The following IL1RAPL1 variants were observed in gnomAD, a reference collection of about 807,000 sequenced individuals.
The protein encoded by IL1RAPL1 is interleukin-1 receptor accessory protein-like 1.
IL1RAPL1 carries 3 observed loss-of-function variants against 48.4 expected under a neutral mutation model. That is an observed-to-expected ratio of 0.06 (90% CI 0.03 to 0.16). The LOEUF (loss-of-function observed/expected upper bound fraction) is 0.16. Ranked by LOEUF, IL1RAPL1 falls within the 10% of genes least tolerant of loss-of-function variation. IL1RAPL1 has a pLI of 1.00. For synonymous variants in IL1RAPL1, 185 were observed against 187.7 expected (o/e 0.99, Z 0.12); for missense variants, 349 against 530.6 (o/e 0.66, Z 3.36).
At chrX:28,610,764 T>A (rs768774796) in intron 1 of IL1RAPL1, among the ~76,000 whole-genome samples, 2 of 110,762 alleles carry the variant, frequency 1.8e-5, no homozygotes, top group Non-Finnish European at 3.8e-5. Context: ...GAATTGCACA[T>A]GGATCATTAA....
At chrX:29,507,556 A>G (rs1935349836) in intron 5 of IL1RAPL1, among the ~76,000 whole-genome samples, 1 of 98,252 alleles carries the variant, frequency 1.0e-5, no homozygotes, top group African/African-American at 3.8e-5. Context: ...AATCGTCTCT[A>G]CAATTAAAAA....
At chrX:29,238,983 GAATT>G (rs1845521823) in intron 2 of IL1RAPL1, among the ~76,000 whole-genome samples, 1 of 112,057 alleles carries the variant, frequency 8.9e-6, no homozygotes, top group Admixed American at 9.5e-5. Context: ...AATCTCTACT[GAATT>G]AGTTTTGCAA....
intron 2 of IL1RAPL1, among the ~76,000 whole-genome samples, chrX:28,945,903 A>ATATGTG (rs1282562909): frequency 8.6e-4 from 84 of 97,650 alleles, no homozygotes; most frequent in South Asian, 1.6e-3. Flanking sequence ...ATATATATAT[A>ATATGTG]TGTGTGTGTG....
In IL1RAPL1 at chrX:28,815,071, TATATA is replaced by T. The variant is rs777082461; in HGVS notation, c.82+25653_82+25657del. Among the ~76,000 whole-genome samples the T allele has an allele frequency of 3.3e-4, 37 of 110,503 alleles. No homozygotes were observed. The East Asian group carries it at 6.6e-3, about 20-fold the overall frequency. On this transcript the variant is annotated intron_variant, in intron 2 of 10. Coordinates refer to ENST00000378993, the MANE Select transcript of IL1RAPL1 (RefSeq NM_014271.4). ...TGTTACTATTATTAAAATTAGCAGT[TATATA>T]ATATAAGAATAATAAAAACAAAATA...
In IL1RAPL1 at chrX:29,628,483, A is replaced by G. The variant is rs1197247410; in HGVS notation, c.704-39947A>G. Among the ~76,000 whole-genome samples, 11 of 111,811 alleles carry G rather than the reference A, an allele frequency of 9.8e-5. No individual in the cohort carries two copies. In the Admixed American group the frequency reaches 1.0e-3, roughly 11 times the overall value. On this transcript the variant is annotated intron_variant, in intron 5 of 10. Coordinates refer to ENST00000378993, the MANE Select transcript of IL1RAPL1 (RefSeq NM_014271.4). The stretch of plus-strand genomic sequence containing the variant: ...ATTGTTCATCAGCATGTTACTGAAA[A>G]GAGTCCAGCCAATGTTAGGTATGTG...
At chrX:29,837,292 TATATATATAC>T (rs1232945191) in intron 6 of IL1RAPL1, among the ~76,000 whole-genome samples, 62 of 74,679 alleles carry the variant, frequency 8.3e-4, no homozygotes, top group Middle Eastern at 0.012. Flanking sequence ...TATATATATA[TATATATATAC>T]ACACACACAC....
At chrX:29,704,072 A>G (rs770886261) in intron 6 of IL1RAPL1, among the ~76,000 whole-genome samples, 12 of 110,092 alleles carry the variant, frequency 1.1e-4, no homozygotes, top group Non-Finnish European at 2.3e-4. Context: ...ACAGGCACGC[A>G]CTATAATACC....
chrX:29,049,233 G>A (rs1399008167), intron 2 of IL1RAPL1, among the ~76,000 whole-genome samples: 2 of 112,300 alleles, frequency 1.8e-5, no homozygotes, highest in African/African-American at 3.2e-5. Context: ...ACTCAAAGCA[G>A]TTTGCCATAC....
At chrX:28,854,928 T>A (rs1921764257) in intron 2 of IL1RAPL1, among the ~76,000 whole-genome samples, 1 of 111,859 alleles carries the variant, frequency 8.9e-6, no homozygotes, top group Non-Finnish European at 1.9e-5. Context: ...AGTAAATGGT[T>A]GTATTAAGCA....
chrX:29,760,055 C>T (rs983816475), intron 6 of IL1RAPL1, among the ~76,000 whole-genome samples: 1 of 111,877 alleles, frequency 8.9e-6, no homozygotes, highest in Non-Finnish European at 1.9e-5. Flanking sequence ...AGCTTACAAA[C>T]CTGGCCTCTC....
chrX:29,884,091 A>C (rs1411629747), intron 6 of IL1RAPL1, among the ~76,000 whole-genome samples: 3 of 111,708 alleles, frequency 2.7e-5, no homozygotes, highest in Non-Finnish European at 5.6e-5. Context: ...TTTCTCAAAA[A>C]TGCTCAAGGA....
intron 2 of IL1RAPL1, among the ~76,000 whole-genome samples, chrX:29,092,614 A>T (rs2147457181): frequency 8.9e-6 from 1 of 112,263 alleles, no homozygotes; most frequent in South Asian, 3.7e-4. Flanking sequence ...TGATCATAAT[A>T]CTACTGTTTT....
intron 1 of IL1RAPL1, among the ~76,000 whole-genome samples, chrX:28,651,521 C>T (rs768445010): frequency 8.9e-6 from 1 of 112,254 alleles, no homozygotes; most frequent in East Asian, 2.8e-4. Context: ...TCCTTTTCTA[C>T]CCCCAACATT....
intron 6 of IL1RAPL1, among the ~76,000 whole-genome samples, chrX:29,886,124 C>G (rs1040241419): frequency 2.7e-5 from 3 of 111,839 alleles, no homozygotes; most frequent in African/African-American, 9.7e-5. Flanking sequence ...AAAGCAATTG[C>G]ATCCTCATGA....
At chrX:28,945,364 T>A (rs1356395646) in intron 2 of IL1RAPL1, among the ~76,000 whole-genome samples, 1 of 111,377 alleles carries the variant, frequency 9.0e-6, no homozygotes, top group East Asian at 2.8e-4. Flanking sequence ...TGCCCATCAA[T>A]GATAGACTGG....
chrX:29,104,762 AC>A (rs1301022217), intron 2 of IL1RAPL1, among the ~76,000 whole-genome samples: 1 of 97,130 alleles, frequency 1.0e-5, no homozygotes, highest in Non-Finnish European at 2.0e-5. Context: ...CTATGTACCC[AC>A]AAAAAAAAAT....
chrX:28,893,175 G>T (rs1922817805), intron 2 of IL1RAPL1, among the ~76,000 whole-genome samples: 1 of 111,239 alleles, frequency 9.0e-6, no homozygotes, highest in Admixed American at 9.5e-5. Flanking sequence ...AATGAGACTG[G>T]GGCCGAATAA....
At chrX:29,213,752 C>T (rs1930815422) in intron 2 of IL1RAPL1, among the ~76,000 whole-genome samples, 1 of 112,087 alleles carries the variant, frequency 8.9e-6, no homozygotes, top group African/African-American at 3.2e-5. Flanking sequence ...TCATCTTAGT[C>T]TTTACTTCGA....
chrX:29,326,655 A>G (rs969109091), intron 3 of IL1RAPL1, among the ~76,000 whole-genome samples: 2 of 112,430 alleles, frequency 1.8e-5, no homozygotes, highest in African/African-American at 6.5e-5. Context: ...GACTTGTTTG[A>G]AGAATAATAT....
Sources: gnomAD v4.1 joint callset for allele counts (sites outside exome capture counted in the v4.1 genomes callset) on GRCh38, gnomAD v4.1.1 for gene constraint, MANE v1.5 for transcripts, NCBI Gene and HGNC (gene_info 2026-07-23, HGNC 2026-07-21) for gene names.